Variants in NBEA observed in about 807,000 individuals in gnomAD.
NBEA encodes neurobeachin.
A neutral mutation model predicts 343.4 loss-of-function variants in NBEA; 44 were observed. The observed-to-expected ratio is 0.13, with a 90% CI of 0.10 to 0.16. NBEA has a LOEUF of 0.16. Ranked by LOEUF, NBEA falls within the 10% of genes least tolerant of loss-of-function variation. NBEA has a pLI of 1.00. For missense variants in NBEA, 2,555 were observed against 3,631.3 expected (o/e 0.70, Z 7.62); for synonymous variants, 1,175 against 1,238.7 (o/e 0.95, Z 1.08).
intron 16 of NBEA, among the ~76,000 whole-genome samples, chr13:35,123,123 C>G (rs1276467359): frequency 6.6e-6 from 1 of 152,036 alleles, no homozygotes; most frequent in Non-Finnish European, 1.5e-5. Context: ...AAAACCTCAC[C>G]TCTATATTAA....
intron 1 of NBEA, among the ~76,000 whole-genome samples, chr13:34,971,847 C>A (rs2060006814): frequency 1.3e-5 from 2 of 150,680 alleles, no homozygotes; most frequent in African/African-American, 2.4e-5. Flanking sequence ...CAGGATGATG[C>A]TGGCCTCATA....
chr13:35,290,545 AT>A, intron 35 of NBEA, 95 bp downstream of exon 35: 1 of 796,868 alleles, frequency 1.3e-6, no homozygotes, highest in Non-Finnish European at 2.0e-6. Context: ...ATGTTTATAT[AT>A]TTTTAAAATT....
At chr13:35,385,776 C>A (rs9530525) in intron 38 of NBEA, among the ~76,000 whole-genome samples, 105,945 of 152,076 alleles carry the variant, frequency 0.7, 39,217 homozygotes, top group Non-Finnish European at 0.81. Context: ...GTGCCTAATG[C>A]AATAAAATCT....
intron 28 of NBEA, among the ~76,000 whole-genome samples, chr13:35,179,956 G>A (rs573096939): frequency 4.0e-5 from 6 of 151,816 alleles, no homozygotes; most frequent in African/African-American, 1.4e-4. Flanking sequence ...CTCTAGAAAA[G>A]CTATAACCCA....
chr13:35,634,211 C>T (rs1482535462), intron 49 of NBEA, among the ~76,000 whole-genome samples: 2 of 151,924 alleles, frequency 1.3e-5, no homozygotes, highest in African/African-American at 4.8e-5. Flanking sequence ...GGCGTGGTGG[C>T]GGGCACCTGT....
intron 35 of NBEA, among the ~76,000 whole-genome samples, chr13:35,298,235 ATATATATATATATG>A (rs1289011171): frequency 2.2e-4 from 31 of 140,738 alleles, no homozygotes; most frequent in South Asian, 4.5e-4. Context: ...ATATATATAT[ATATATATATATATG>A]TATATGCTTC....
chr13:35,396,367 T>C (rs114369582), intron 38 of NBEA, among the ~76,000 whole-genome samples: 3,794 of 152,224 alleles, frequency 0.025, 164 homozygotes, highest in African/African-American at 0.083. Flanking sequence ...TCCCTTTCAT[T>C]CTTTTTTTGA....
chr13:35,478,320 G>C (rs1244249019), intron 41 of NBEA, among the ~76,000 whole-genome samples: 1 of 152,176 alleles, frequency 6.6e-6, no homozygotes, highest in Non-Finnish European at 1.5e-5. Context: ...TTAAGAGCAG[G>C]GTCTGGGAAC....
chr13:35,373,518 G>C (rs1343665216), intron 38 of NBEA, among the ~76,000 whole-genome samples: 1 of 151,186 alleles, frequency 6.6e-6, no homozygotes, highest in African/African-American at 2.4e-5. Context: ...CAGCCTGGGT[G>C]ACAGGACAAA....
At chr13:35,322,063 C>T (rs891830349) in intron 36 of NBEA, among the ~76,000 whole-genome samples, 1 of 152,096 alleles carries the variant, frequency 6.6e-6, no homozygotes, top group Non-Finnish European at 1.5e-5. Flanking sequence ...TGAGCTAGAC[C>T]ACCTGGCTTC....
At chr13:34,997,027 A>C (rs1327644455) in intron 1 of NBEA, among the ~76,000 whole-genome samples, 1 of 152,130 alleles carries the variant, frequency 6.6e-6, no homozygotes, top group Non-Finnish European at 1.5e-5. Flanking sequence ...CTGTTAGCTT[A>C]GTTTTTGACC....
intron 8 of NBEA, among the ~76,000 whole-genome samples, chr13:35,059,117 A>G (rs1468798617): frequency 1.3e-5 from 2 of 152,016 alleles, no homozygotes; most frequent in African/African-American, 4.8e-5. Flanking sequence ...AATAGATCTT[A>G]TAAAACTGTT....
intron 38 of NBEA, among the ~76,000 whole-genome samples, chr13:35,388,464 A>C (rs1413887211): frequency 6.6e-6 from 1 of 152,168 alleles, no homozygotes; most frequent in Non-Finnish European, 1.5e-5. Flanking sequence ...TTTATATTGT[A>C]TGCTAGCTTT....
chr13:35,426,419 C>G (rs920171646), intron 38 of NBEA, among the ~76,000 whole-genome samples: 1 of 152,132 alleles, frequency 6.6e-6, no homozygotes, highest in Non-Finnish European at 1.5e-5. Context: ...CTTAGTTTGG[C>G]TGGATATGAA....
intron 38 of NBEA, among the ~76,000 whole-genome samples, chr13:35,398,774 A>G (rs1337783344): frequency 6.6e-6 from 1 of 151,994 alleles, no homozygotes; most frequent in Non-Finnish European, 1.5e-5. Flanking sequence ...TAAGGGCCCT[A>G]GAATTTTTTG....
At chr13:35,222,756 T>C (rs2074438910) in intron 33 of NBEA, among the ~76,000 whole-genome samples, 1 of 152,194 alleles carries the variant, frequency 6.6e-6, no homozygotes, top group Non-Finnish European at 1.5e-5. Context: ...TAAAGATGCT[T>C]GTAACAGTTT....
rs761008747 is a variant in NBEA at position 35,654,836 on chromosome 13, T to C, written c.8036-19T>C. 22 of 1,557,660 alleles carry C rather than the reference T, an allele frequency of 1.4e-5. No individual in the cohort carries two copies. Among genetic ancestry groups the C allele is most frequent in the Non-Finnish European group, 1.8e-5 (21 of 1,160,946 alleles). On this transcript the variant is annotated intron_variant, in intron 53 of 58. Transcript: ENST00000379939. Reference sequence around the variant, plus strand: ...CATATGGAATCTTTCTTCAAATGCTTTTTTCCATTTACTTTTAGCCAATAA... The same window carrying C: ...CATATGGAATCTTTCTTCAAATGCTCTTTTCCATTTACTTTTAGCCAATAA...
At chr13:35,490,751 C>A (rs958912402) in intron 41 of NBEA, among the ~76,000 whole-genome samples, 2 of 145,866 alleles carry the variant, frequency 1.4e-5, no homozygotes, top group Non-Finnish European at 3.0e-5. Flanking sequence ...ACTGTATGTA[C>A]CTTCATCTTC....
chr13:35,115,310 C>T (rs756040967), intron 13 of NBEA, among the ~76,000 whole-genome samples: 19 of 151,540 alleles, frequency 1.3e-4, no homozygotes, highest in Non-Finnish European at 2.1e-4. Flanking sequence ...TTACATATAT[C>T]GATGTAATAT....
Sources: gnomAD v4.1 joint callset for allele counts (sites outside exome capture counted in the v4.1 genomes callset) on GRCh38, gnomAD v4.1.1 for gene constraint, MANE v1.5 for transcripts, NCBI Gene and HGNC (gene_info 2026-07-23, HGNC 2026-07-21) for gene names.